SRGAP3: variants seen among roughly 807,000 people sequenced by gnomAD.
SRGAP3 encodes the protein SLIT-ROBO Rho GTPase activating protein 3, also known as SLIT-ROBO Rho GTPase-activating protein 3.
A neutral mutation model predicts 121.1 loss-of-function variants in SRGAP3; 39 were observed. That is an observed-to-expected ratio of 0.32 (90% CI 0.25 to 0.42). The LOEUF (loss-of-function observed/expected upper bound fraction) is 0.42. Ranked by LOEUF, SRGAP3 falls within the 10% of genes least tolerant of loss-of-function variation. The pLI is 1.00. For synonymous variants in SRGAP3, 601 were observed against 570.0 expected (o/e 1.05, Z -0.77); for missense variants, 1,213 against 1,470.6 (o/e 0.82, Z 2.86).
chr3:9,045,137 A>G (rs1417897336), intron 10 of SRGAP3, among the ~76,000 whole-genome samples: 1 of 151,046 alleles, frequency 6.6e-6, no homozygotes, highest in Admixed American at 6.6e-5. Flanking sequence ...ACTTTATACT[A>G]TCTTCCCAAC....
chr3:9,271,372 C>T (rs1002994516), intron 3 of SRGAP3, among the ~76,000 whole-genome samples: 6 of 152,190 alleles, frequency 3.9e-5, no homozygotes, highest in Non-Finnish European at 8.8e-5. Context: ...ATTGAGGTCT[C>T]ATGGCTAAAA....
chr3:9,044,733 G>T (rs1036440679), intron 10 of SRGAP3, among the ~76,000 whole-genome samples: 2 of 152,142 alleles, frequency 1.3e-5, no homozygotes, highest in African/African-American at 4.8e-5. Flanking sequence ...CTGAATAGAA[G>T]AACCAAAACG....
chr3:9,352,994 C>T (rs537280993), intron 1 of SRGAP3, among the ~76,000 whole-genome samples: 10 of 152,352 alleles, frequency 6.6e-5, no homozygotes, highest in African/African-American at 2.2e-4. Context: ...GTTGTTGATG[C>T]TGAGCCTATG....
chr3:9,209,946 G>T (rs1355040655), intron 1 of SRGAP3, among the ~76,000 whole-genome samples: 3 of 152,048 alleles, frequency 2.0e-5, no homozygotes, highest in African/African-American at 7.2e-5. Context: ...ATCCTAAAAT[G>T]GAATATTAGT....
chr3:9,272,946 T>C (rs1450016049), intron 3 of SRGAP3, among the ~76,000 whole-genome samples: 2 of 152,142 alleles, frequency 1.3e-5, no homozygotes, highest in Non-Finnish European at 2.9e-5. Context: ...TGTCTATTTG[T>C]TTGTTTTGGA....
At chr3:9,261,726 G>A (rs1212881630) in intron 3 of SRGAP3, among the ~76,000 whole-genome samples, 2 of 151,956 alleles carry the variant, frequency 1.3e-5, no homozygotes. Flanking sequence ...ACGTTTGATT[G>A]GTGTACCTGA....
chr3:9,073,520 C>CG (rs1560079750), intron 4 of SRGAP3, among the ~76,000 whole-genome samples: 1 of 152,148 alleles, frequency 6.6e-6, no homozygotes, highest in Non-Finnish European at 1.5e-5. Context: ...CTTAAGCACT[C>CG]GGAGTCTGGA....
intron 3 of SRGAP3, among the ~76,000 whole-genome samples, chr3:9,315,808 TA>T (rs1172050642): frequency 6.6e-6 from 1 of 151,788 alleles, no homozygotes; most frequent in Non-Finnish European, 1.5e-5. Flanking sequence ...CTTTCAAGAT[TA>T]AAAAAAAGAA....
At chr3:9,125,621 C>T (rs921042167) in intron 1 of SRGAP3, among the ~76,000 whole-genome samples, 3 of 152,198 alleles carry the variant, frequency 2.0e-5, no homozygotes, top group Admixed American at 6.5e-5. Context: ...ACCAGATCTA[C>T]GCAACCAGGG....
intron 18 of SRGAP3, among the ~76,000 whole-genome samples, chr3:9,008,526 A>T (rs1202108793): frequency 2.0e-5 from 3 of 152,116 alleles, no homozygotes; most frequent in African/African-American, 7.2e-5. Flanking sequence ...AGAGCAACAG[A>T]TGGAGAGGAC....
intron 1 of SRGAP3, among the ~76,000 whole-genome samples, chr3:9,149,258 A>C (rs561569917): frequency 2.8e-4 from 42 of 151,892 alleles, no homozygotes; most frequent in Non-Finnish European, 5.4e-4. Flanking sequence ...ACCTGAAGCT[A>C]GAGAGCCCAT....
At chr3:9,054,578 G>A (rs530084077) in intron 8 of SRGAP3, among the ~76,000 whole-genome samples, 22 of 152,316 alleles carry the variant, frequency 1.4e-4, no homozygotes, top group African/African-American at 5.1e-4. Context: ...AAACCAAGTT[G>A]TGGCCCAACC....
chr3:9,357,872 AT>A lies in SRGAP3; in HGVS notation n.214+4967del, dbSNP rs563013542. 2.8e-3 allele frequency among the ~76,000 whole-genome samples: 402 copies of A among 145,758 alleles called. 1 individual carries two copies. The highest frequency in any genetic ancestry group is 7.6e-3 in the African/African-American group (304 of 39,964). Reference sequence around the variant, plus strand: ...CATAACACAAAATTCCCCATTTGAAATTTTTTTTTTTTTCTTTTTTGAGATG... The same window carrying A: ...CATAACACAAAATTCCCCATTTGAAATTTTTTTTTTTTCTTTTTTGAGATG... On this transcript the variant is annotated intron_variant and non_coding_transcript_variant, in intron 1 of 3. Transcript: ENST00000490889.
At chr3:9,051,999 C>A (rs534691071) in intron 9 of SRGAP3, among the ~76,000 whole-genome samples, 68 of 152,316 alleles carry the variant, frequency 4.5e-4, no homozygotes, top group African/African-American at 1.5e-3. Context: ...AGGCGTAAGC[C>A]ACGGTGCCCG....
chr3:9,259,137 C>G (rs10222368), intron 3 of SRGAP3, among the ~76,000 whole-genome samples: 7,482 of 152,260 alleles, frequency 0.049, 575 homozygotes, highest in African/African-American at 0.16. Flanking sequence ...CGGGTCCTGG[C>G]TCCTGCGTCG....
At chr3:8,994,231 A>AT in intron 19 of SRGAP3, 112 bp downstream of exon 19, 2 of 1,350,184 alleles carry the variant, frequency 1.5e-6, no homozygotes, top group Non-Finnish European at 2.1e-6. Context: ...CAAGCGTATG[A>AT]TATCAAGGAG....
intron 3 of SRGAP3, among the ~76,000 whole-genome samples, chr3:9,268,583 G>C (rs1416200041): frequency 6.6e-6 from 1 of 152,050 alleles, no homozygotes; most frequent in African/African-American, 2.4e-5. Flanking sequence ...CTCAGCACCA[G>C]GCACCAGCCA....
chr3:9,041,970 G>C (rs113107864), intron 10 of SRGAP3, among the ~76,000 whole-genome samples: 3,500 of 151,902 alleles, frequency 0.023, 61 homozygotes, highest in Middle Eastern at 0.041. Context: ...GCGTGGTGGC[G>C]GACACCTGTA....
chr3:9,271,791 A>C (rs1418485217), intron 3 of SRGAP3, among the ~76,000 whole-genome samples: 4 of 152,246 alleles, frequency 2.6e-5, no homozygotes, highest in African/African-American at 9.6e-5. Flanking sequence ...GCAAAGAAGC[A>C]GTAATTTACA....
Sources: allele counts gnomAD v4.1 joint callset (sites outside exome capture counted in the v4.1 genomes callset), GRCh38; gene constraint gnomAD v4.1.1; transcripts MANE v1.5; gene names NCBI Gene and HGNC (gene_info 2026-07-23, HGNC 2026-07-21).